MAP3K15: variants seen among roughly 807,000 people sequenced by gnomAD.
The protein encoded by MAP3K15 is mitogen-activated protein kinase kinase kinase 15.
MAP3K15 carries 124 observed loss-of-function variants against 99.5 expected under a neutral mutation model. That is an observed-to-expected ratio of 1.25 (90% confidence interval 1.08 to 1.45). The LOEUF is 1.45. Among genes scored for constraint, MAP3K15 ranks in the 40% most tolerant of loss-of-function variants. MAP3K15 has a pLI of 0.00. For synonymous variants in MAP3K15, 494 were observed against 439.6 expected (o/e 1.12, Z -1.55); for missense variants, 1,242 against 1,079.7 (o/e 1.15, Z -2.11).
intron 3 of MAP3K15, among the ~76,000 whole-genome samples, chrX:19,476,717 G>A (rs148853943): frequency 9.8e-5 from 11 of 111,957 alleles, no homozygotes; most frequent in South Asian, 3.7e-4. Context: ...ATCAGGATAC[G>A]GTGCCACTTA....
intron 25 of MAP3K15, among the ~76,000 whole-genome samples, chrX:19,368,527 G>T (rs2063351329): frequency 8.8e-6 from 1 of 113,083 alleles, no homozygotes; most frequent in Non-Finnish European, 1.9e-5. Flanking sequence ...TGATGCCAGG[G>T]TTCCCTGGTT....
At position 19,371,007 on chromosome X, in the gene MAP3K15, T is replaced by C; in HGVS notation, c.3352A>G (p.Asn1118Asp). 8.5e-7 allele frequency: 1 copy of C among 1,171,298 alleles called. No homozygotes were observed. The highest frequency in any genetic ancestry group is 1.8e-5 in the African/African-American group (1 of 54,576). The change falls in exon 24 of 29, where the codon AAC (asparagine) becomes GAC (aspartate). Residue 1118 changes from asparagine to aspartate, a missense_variant. Coordinates refer to ENST00000338883, the MANE Select transcript of MAP3K15 (RefSeq NM_001001671.4). ...GCCTGCACCGCTCGGCGGATGATGT[T>C]GTCCATCGCGAACATCCAGTGGGGC... ...IRPHWMFAMD[N>D]IIRRAVQAAV... is the part of the protein sequence containing the mutation.
chrX:19,409,096 T>C (rs1161641794), intron 12 of MAP3K15, among the ~76,000 whole-genome samples: 2 of 111,578 alleles, frequency 1.8e-5, no homozygotes, highest in African/African-American at 3.3e-5. Flanking sequence ...ACTTAAATTA[T>C]TTCCCTCCTT....
intron 15 of MAP3K15, among the ~76,000 whole-genome samples, chrX:19,396,416 A>G (rs2063567999): frequency 8.9e-6 from 1 of 112,324 alleles, no homozygotes; most frequent in Non-Finnish European, 1.9e-5. Context: ...CCAAATAGAT[A>G]CAACTGCAAC....
chrX:19,392,320 C>T (rs769655235), intron 17 of MAP3K15, 23 bp downstream of exon 17: 2 of 1,196,398 alleles, frequency 1.7e-6, no homozygotes, highest in Non-Finnish European at 2.3e-6. Context: ...AAGGCAACCT[C>T]GTCAGCTTAA....
rs1555966359 is a variant in MAP3K15 at position 19,490,180 on chromosome X, C to CATAT, written c.362-1214_362-1213insATAT. On this transcript the variant is annotated intron_variant, in intron 1 of 28. Transcript: ENST00000338883. The stretch of plus-strand genomic sequence containing the variant: ...ACACACACACACACACACACACACA[C>CATAT]ACACATACATACAAAAATTCCTTAA... 2.6e-3 allele frequency among the ~76,000 whole-genome samples: 248 copies of CATAT among 95,117 alleles called. 5 individuals are homozygous for CATAT. Among genetic ancestry groups the CATAT allele is most frequent in the African/African-American group, 8.5e-3 (231 of 27,095 alleles). 82.6% of individuals were successfully genotyped at this position (95,117 alleles called of 115,157 possible).
At chrX:19,383,968 G>A (rs1320344639) in intron 18 of MAP3K15, among the ~76,000 whole-genome samples, 2 of 111,703 alleles carry the variant, frequency 1.8e-5, no homozygotes, top group African/African-American at 3.3e-5. Context: ...CATAGGATCC[G>A]GCAACCCCAT....
intron 3 of MAP3K15, among the ~76,000 whole-genome samples, chrX:19,474,742 G>C (rs1017535708): frequency 9.0e-6 from 1 of 111,037 alleles, no homozygotes; most frequent in African/African-American, 3.3e-5. Flanking sequence ...GGAGATCTCA[G>C]AATAACTTTT....
intron 7 of MAP3K15, among the ~76,000 whole-genome samples, chrX:19,427,284 C>T (rs925756501): frequency 9.0e-6 from 1 of 111,681 alleles, no homozygotes; most frequent in Admixed American, 9.6e-5. Flanking sequence ...GCTGGGATTA[C>T]AGACATGAGC....
chrX:19,427,816 G>A (rs1262757310), intron 7 of MAP3K15, among the ~76,000 whole-genome samples: 1 of 111,135 alleles, frequency 9.0e-6, no homozygotes, highest in Non-Finnish European at 1.9e-5. Context: ...TATCATTGAA[G>A]TCAGTTAAAA....
chrX:19,486,760 G>A (rs1221538767), intron 2 of MAP3K15, among the ~76,000 whole-genome samples: 2 of 111,272 alleles, frequency 1.8e-5, no homozygotes, highest in South Asian at 3.8e-4. Context: ...AACTATTAGG[G>A]GGCATTTATA....
At chrX:19,509,765 G>C (rs1251991661) in intron 1 of MAP3K15, among the ~76,000 whole-genome samples, 1 of 111,368 alleles carries the variant, frequency 9.0e-6, no homozygotes, top group Non-Finnish European at 1.9e-5. Context: ...GAAGGAAATA[G>C]AGACATGAAA....
At chrX:19,380,708 T>G (rs759061619) in intron 18 of MAP3K15, among the ~76,000 whole-genome samples, 55 of 112,127 alleles carry the variant, frequency 4.9e-4, no homozygotes, top group Non-Finnish European at 9.0e-4. Flanking sequence ...GTATTTTTAG[T>G]AGAGACGAGG....
intron 19 of MAP3K15, among the ~76,000 whole-genome samples, chrX:19,379,711 G>A (rs1270155180): frequency 1.8e-5 from 2 of 110,728 alleles, no homozygotes; most frequent in African/African-American, 6.6e-5. Context: ...CAAATTGCTG[G>A]GATTACAGGC....
intron 16 of MAP3K15, among the ~76,000 whole-genome samples, chrX:19,394,286 A>G (rs2063549411): frequency 9.0e-6 from 1 of 111,658 alleles, no homozygotes; most frequent in Non-Finnish European, 1.9e-5. Context: ...CCAACAGCCC[A>G]CTGAGACAGC....
intron 16 of MAP3K15, 87 bp downstream of exon 16, chrX:19,394,994 T>C: frequency 9.2e-7 from 1 of 1,085,665 alleles, no homozygotes; most frequent in Admixed American, 2.3e-5. Context: ...CTTAGGGGTC[T>C]GTCATTTTGT....
chrX:19,430,667 A>G (rs2063873784), intron 7 of MAP3K15, among the ~76,000 whole-genome samples: 1 of 110,719 alleles, frequency 9.0e-6, no homozygotes, highest in Non-Finnish European at 1.9e-5. Flanking sequence ...CACTCAGAGC[A>G]AGAAGGTCTT....
At chrX:19,455,803 T>C (rs888036062) in intron 6 of MAP3K15, among the ~76,000 whole-genome samples, 2 of 111,138 alleles carry the variant, frequency 1.8e-5, no homozygotes, top group Non-Finnish European at 1.9e-5. Flanking sequence ...AAGGCCCTTA[T>C]AGTTTTTATT....
intron 14 of MAP3K15, 90 bp from the exon 15 acceptor site, chrX:19,398,449 A>G (rs2063584355): frequency 1.0e-6 from 1 of 974,254 alleles, no homozygotes; most frequent in Admixed American, 2.7e-5. Context: ...GCAACTAAAA[A>G]AAATATAAAT....
Sources: allele counts gnomAD v4.1 joint callset (sites outside exome capture counted in the v4.1 genomes callset), GRCh38; gene constraint gnomAD v4.1.1; transcripts MANE v1.5; gene names NCBI Gene and HGNC (gene_info 2026-07-23, HGNC 2026-07-21).